The following AATF variants were observed in gnomAD, a reference collection of about 807,000 sequenced individuals.
The protein encoded by AATF is protein AATF.
AATF carries 48 observed loss-of-function variants against 63.7 expected under a neutral mutation model. That is an observed-to-expected ratio of 0.75 (90% CI 0.60 to 0.96). The LOEUF (loss-of-function observed/expected upper bound fraction) is 0.96. AATF is among the 40% of genes least tolerant of loss of function. AATF has a pLI of 0.00. For missense variants in AATF, 639 were observed against 685.7 expected (o/e 0.93, Z 0.76); for synonymous variants, 258 against 247.7 (o/e 1.04, Z -0.39).
At chr17:37,026,177 A>T (rs181735828) in intron 10 of AATF, among the ~76,000 whole-genome samples, 3 of 152,356 alleles carry the variant, frequency 2.0e-5, no homozygotes, top group African/African-American at 7.2e-5. Context: ...TGTCAAAGTA[A>T]TGATAAAACA....
At position 37,021,030 on chromosome 17, in the gene AATF, G is replaced by GA; in HGVS notation, c.1547+22dup. ...GGAAACTTCGGTGAGTTACTTTTCGGAAAAAATGTCAACATATATTGTATA... is the reference window on the plus strand; with the variant it reads ...GGAAACTTCGGTGAGTTACTTTTCGGAAAAAAATGTCAACATATATTGTATA... On this transcript the variant is annotated intron_variant, in intron 10 of 11. Transcript: ENST00000619387. The GA allele has an allele frequency of 6.3e-7, 1 of 1,594,626 alleles. No individual in the cohort carries two copies. The highest frequency in any genetic ancestry group is 8.6e-7 in the Non-Finnish European group (1 of 1,168,050).
At chr17:36,993,183 C>T (rs1296255185) in intron 8 of AATF, among the ~76,000 whole-genome samples, 1 of 152,196 alleles carries the variant, frequency 6.6e-6, no homozygotes, top group Non-Finnish European at 1.5e-5. Context: ...ATCCTAGCCT[C>T]GTACATCACA....
intron 8 of AATF, among the ~76,000 whole-genome samples, chr17:37,009,635 G>A (rs1178218129): frequency 2.0e-5 from 3 of 147,198 alleles, no homozygotes; most frequent in Non-Finnish European, 4.5e-5. Context: ...GGCTAACAAG[G>A]TGAAACCCCG....
intron 11 of AATF, among the ~76,000 whole-genome samples, chr17:37,050,286 C>T (rs933962796): frequency 2.6e-5 from 4 of 152,170 alleles, no homozygotes; most frequent in African/African-American, 9.7e-5. Context: ...CATGTATTCA[C>T]CTTCCCGATC....
At chr17:37,053,722 C>T (rs1275895197) in intron 11 of AATF, among the ~76,000 whole-genome samples, 16 of 152,054 alleles carry the variant, frequency 1.1e-4, no homozygotes, top group Admixed American at 3.3e-4. Flanking sequence ...AAAAATTAGC[C>T]GGGCGTGGTG....
chr17:37,051,689 GACAGACAGAC>G (rs2071751696), intron 11 of AATF, among the ~76,000 whole-genome samples: 3 of 118,496 alleles, frequency 2.5e-5, no homozygotes, highest in African/African-American at 9.8e-5. Context: ...CAGACAGACA[GACAGACAGAC>G]ACACACACAC....
intron 8 of AATF, among the ~76,000 whole-genome samples, chr17:36,997,999 C>G (rs1444664464): frequency 6.6e-6 from 1 of 152,146 alleles, no homozygotes; most frequent in African/African-American, 2.4e-5. Context: ...CATATGTTCC[C>G]ATGGGTATGT....
chr17:37,039,395 GCTAC>G (rs1202858847), intron 11 of AATF, among the ~76,000 whole-genome samples: 1 of 152,142 alleles, frequency 6.6e-6, no homozygotes, highest in Admixed American at 6.6e-5. Flanking sequence ...TTTAACTGGG[GCTAC>G]CTTTTACCAG....
At chr17:37,009,498 G>A (rs1211823692) in intron 8 of AATF, among the ~76,000 whole-genome samples, 1 of 151,462 alleles carries the variant, frequency 6.6e-6, no homozygotes, top group African/African-American at 2.4e-5. Flanking sequence ...AATGGGGAGG[G>A]GAAAAAAGGA....
chr17:37,024,727 G>A (rs1010221280), intron 10 of AATF, among the ~76,000 whole-genome samples: 4 of 152,202 alleles, frequency 2.6e-5, no homozygotes, highest in African/African-American at 9.7e-5. Context: ...GGGAGGCTGA[G>A]GCAGGTGGAT....
At chr17:37,013,928 C>G (rs1041945197) in intron 8 of AATF, among the ~76,000 whole-genome samples, 2 of 152,020 alleles carry the variant, frequency 1.3e-5, no homozygotes, top group Non-Finnish European at 2.9e-5. Flanking sequence ...ACTTTTTCCC[C>G]TTGGAGACCT....
rs143529400 is a variant in AATF at position 36,956,563 on chromosome 17, C to T, written c.832+2656C>T. Reference sequence around the variant, plus strand: ...TGGCAGGTGCCTGTAATCTCAGCTACTCGGGAGGCTGAGGCAGGAGAATTG... The same window carrying T: ...TGGCAGGTGCCTGTAATCTCAGCTATTCGGGAGGCTGAGGCAGGAGAATTG... On this transcript the variant is annotated intron_variant, in intron 4 of 11. Transcript: ENST00000619387. Among the ~76,000 whole-genome samples, 793 of 152,066 alleles carry T rather than the reference C, an allele frequency of 5.2e-3. 11 individuals carry two copies. The highest frequency in any genetic ancestry group is 0.018 in the African/African-American group (755 of 41,452).
chr17:37,034,823 G>A (rs1043873263), intron 11 of AATF: 5 of 151,960 alleles, frequency 3.3e-5, no homozygotes, highest in African/African-American at 9.7e-5. Context: ...TCAACAAGAA[G>A]ACTTAAAAAT....
At chr17:37,020,681 G>C (rs1198165722) in intron 9 of AATF, among the ~76,000 whole-genome samples, 3 of 152,228 alleles carry the variant, frequency 2.0e-5, no homozygotes, top group South Asian at 4.1e-4. Context: ...TTTAGTGCTT[G>C]TCACAGCAAC....
At chr17:36,967,876 T>C (rs2071003890) in intron 4 of AATF, among the ~76,000 whole-genome samples, 1 of 151,734 alleles carries the variant, frequency 6.6e-6, no homozygotes, top group Admixed American at 6.6e-5. Flanking sequence ...TTTTTTTTTT[T>C]TTCTTTTTGG....
rs771966462 is a variant in AATF at position 36,986,597 on chromosome 17, C to A, written c.833-20C>A. On this transcript the variant is annotated intron_variant, in intron 4 of 11. Transcript: ENST00000619387. ...AATTGTAGATAATTAATTGTCCTTT[C>A]TCTGTCCTTTATTTCCCAGGTCACA... 97 of 1,589,366 alleles carry A rather than the reference C, an allele frequency of 6.1e-5. No individual in the cohort carries two copies. Among genetic ancestry groups the A allele is most frequent in the Non-Finnish European group, 7.9e-5 (92 of 1,157,578 alleles).
chr17:37,049,430 G>T (rs57364482), intron 11 of AATF, among the ~76,000 whole-genome samples: 6,930 of 152,130 alleles, frequency 0.046, 526 homozygotes, highest in African/African-American at 0.16. Context: ...GTGAAACCCT[G>T]TGTGTACTAA....
chr17:37,021,085 A>G (rs2071466471), intron 10 of AATF, 71 bp downstream of exon 10: 1 of 1,145,870 alleles, frequency 8.7e-7, no homozygotes, highest in African/African-American at 1.6e-5. Context: ...TCTGGCTGTT[A>G]TGTCATTTTT....
At chr17:37,006,176 A>G (rs1014213341) in intron 8 of AATF, among the ~76,000 whole-genome samples, 4 of 152,150 alleles carry the variant, frequency 2.6e-5, no homozygotes, top group Non-Finnish European at 4.4e-5. Flanking sequence ...AATTTAAAAA[A>G]GAAAAAAAGA....
Sources: allele counts gnomAD v4.1 joint callset (sites outside exome capture counted in the v4.1 genomes callset), GRCh38; gene constraint gnomAD v4.1.1; transcripts MANE v1.5; gene names NCBI Gene and HGNC (gene_info 2026-07-23, HGNC 2026-07-21).